The following ADAMTSL1 variants were observed in gnomAD, a reference collection of about 807,000 sequenced individuals.
The protein encoded by ADAMTSL1 is ADAMTS-like protein 1.
ADAMTSL1 carries 126 observed loss-of-function variants against 201.8 expected under a neutral mutation model. That is an observed-to-expected ratio of 0.62 (90% confidence interval 0.54 to 0.72). ADAMTSL1 has a LOEUF of 0.72. ADAMTSL1 is among the 30% of genes least tolerant of loss of function. ADAMTSL1 has a pLI of 0.00. For missense variants in ADAMTSL1, 2,679 were observed against 2,277.8 expected, an observed-to-expected ratio of 1.18 and a Z score of -3.59; for synonymous variants, 1,121 against 903.4, an observed-to-expected ratio of 1.24 and a Z score of -4.32.
intron 3 of ADAMTSL1, among the ~76,000 whole-genome samples, chr9:18,571,400 C>T (rs1439253970): frequency 6.6e-6 from 1 of 152,154 alleles, no homozygotes; most frequent in African/African-American, 2.4e-5. Flanking sequence ...CCTCAATGTT[C>T]TGCTTTATTG....
At chr9:18,415,145 A>G (rs1818618655) in intron 2 of ADAMTSL1, among the ~76,000 whole-genome samples, 1 of 152,212 alleles carries the variant, frequency 6.6e-6, no homozygotes, top group Non-Finnish European at 1.5e-5. Context: ...CCAACAAGAT[A>G]AAATTCACAA....
At chr9:18,893,008 G>A (rs1444671896) in intron 26 of ADAMTSL1, among the ~76,000 whole-genome samples, 1 of 151,260 alleles carries the variant, frequency 6.6e-6, no homozygotes, top group Non-Finnish European at 1.5e-5. Context: ...GTTCCATCTC[G>A]TAAGCCATTT....
Position 18,554,642 on chromosome 9 carries a change from T to C in ADAMTSL1, c.238-19388T>C, listed in dbSNP as rs1323781909. On this transcript the variant is annotated intron_variant, in intron 3 of 28. Coordinates refer to ENST00000380548, the MANE Select transcript of ADAMTSL1 (RefSeq NM_001040272.6). ...CAACCTGAGATAAGCAAGTTTTCCT[T>C]ATTATTTCTTTATGTGGATCTGAGT... is the stretch of plus-strand genomic sequence containing the variant. 2.0e-5 allele frequency among the ~76,000 whole-genome samples: 3 copies of C among 150,026 alleles called. No individual in the cohort carries two copies. The East Asian group carries it at 6.0e-4, about 30-fold the overall frequency.
chr9:18,846,093 AC>A (rs919130159), intron 23 of ADAMTSL1, among the ~76,000 whole-genome samples: 5 of 152,180 alleles, frequency 3.3e-5, no homozygotes, highest in African/African-American at 1.2e-4. Flanking sequence ...ATAAATACAA[AC>A]CTAGTCCTCA....
intron 2 of ADAMTSL1, among the ~76,000 whole-genome samples, chr9:18,465,406 G>C (rs1297630446): frequency 1.3e-5 from 2 of 152,230 alleles, no homozygotes; most frequent in Admixed American, 1.3e-4. Context: ...CAGAGTTTCA[G>C]GAAGCCAGGG....
chr9:18,880,609 T>G (rs533094262), intron 23 of ADAMTSL1, among the ~76,000 whole-genome samples: 2 of 152,354 alleles, frequency 1.3e-5, no homozygotes, highest in East Asian at 1.9e-4. Flanking sequence ...TAAACAGATG[T>G]GCTGTCATCC....
At chr9:18,686,032 C>G (rs1360518802) in intron 13 of ADAMTSL1, among the ~76,000 whole-genome samples, 1 of 151,964 alleles carries the variant, frequency 6.6e-6, no homozygotes, top group East Asian at 1.9e-4. Flanking sequence ...AATTCTCTCA[C>G]CTCAGCCTAC....
At chr9:18,547,708 A>G (rs1026934675) in intron 3 of ADAMTSL1, among the ~76,000 whole-genome samples, 1 of 151,680 alleles carries the variant, frequency 6.6e-6, no homozygotes, top group African/African-American at 2.4e-5. Context: ...TGTGTCTAAA[A>G]GAGGCTGTTT....
chr9:18,465,920 G>GT (rs34754797), intron 2 of ADAMTSL1, among the ~76,000 whole-genome samples: 2,543 of 147,888 alleles, frequency 0.017, 25 homozygotes, highest in Non-Finnish European at 0.026. Context: ...AGCTAATTTT[G>GT]TTTTTTTTTT....
chr9:18,074,118 A>G (rs2131742861), intron 1 of ADAMTSL1, among the ~76,000 whole-genome samples: 1 of 152,216 alleles, frequency 6.6e-6, no homozygotes, highest in African/African-American at 2.4e-5. Context: ...TGGGGACATG[A>G]GATTTAAAAT....
intron 1 of ADAMTSL1, among the ~76,000 whole-genome samples, chr9:18,055,744 T>C (rs1050859736): frequency 7.2e-5 from 11 of 152,366 alleles, no homozygotes; most frequent in South Asian, 4.1e-4. Context: ...AGGATATTTA[T>C]GATAGAGAAG....
chr9:18,079,509 C>T (rs1008547414), intron 1 of ADAMTSL1, among the ~76,000 whole-genome samples: 9 of 151,686 alleles, frequency 5.9e-5, no homozygotes, highest in Non-Finnish European at 4.4e-5. Flanking sequence ...GGTGAAACCC[C>T]GTCTCTACTA....
intron 1 of ADAMTSL1, among the ~76,000 whole-genome samples, chr9:18,013,046 C>T (rs1165853718): frequency 1.3e-5 from 2 of 151,610 alleles, no homozygotes; most frequent in Non-Finnish European, 2.9e-5. Context: ...TTCTTATCTC[C>T]ATTACCCTTA....
chr9:18,206,495 C>G (rs565112969), intron 2 of ADAMTSL1, among the ~76,000 whole-genome samples: 1 of 152,040 alleles, frequency 6.6e-6, no homozygotes, highest in Non-Finnish European at 1.5e-5. Flanking sequence ...GTTCTCATGA[C>G]CCCTACTGTG....
intron 2 of ADAMTSL1, among the ~76,000 whole-genome samples, chr9:18,295,076 C>T (rs1340467313): frequency 6.6e-6 from 1 of 152,086 alleles, no homozygotes; most frequent in African/African-American, 2.4e-5. Context: ...GTGTGTGTGG[C>T]ATGCTGCTGC....
chr9:18,790,081 TTA>T (rs781697282), intron 19 of ADAMTSL1, among the ~76,000 whole-genome samples: 17 of 152,170 alleles, frequency 1.1e-4, no homozygotes, highest in Non-Finnish European at 1.5e-5. Context: ...GTTACTTAGG[TTA>T]TGTGTACCAT....
chr9:18,311,331 C>T (rs150596549), intron 2 of ADAMTSL1, among the ~76,000 whole-genome samples: 257 of 151,320 alleles, frequency 1.7e-3, no homozygotes, highest in African/African-American at 5.9e-3. Context: ...CACAAGTATC[C>T]CAGAACTTAG....
chr9:18,598,011 G>A (rs1824376617), intron 4 of ADAMTSL1, among the ~76,000 whole-genome samples: 1 of 152,132 alleles, frequency 6.6e-6, no homozygotes, highest in Non-Finnish European at 1.5e-5. Context: ...GGAACAAAGT[G>A]TTTTTGATGT....
chr9:17,971,769 T>C (rs1345049964), intron 1 of ADAMTSL1, among the ~76,000 whole-genome samples: 1 of 151,946 alleles, frequency 6.6e-6, no homozygotes, highest in East Asian at 1.9e-4. Context: ...AAGATACATT[T>C]TTAACTTCTT....
Sources: gnomAD v4.1 joint callset for allele counts (sites outside exome capture counted in the v4.1 genomes callset) on GRCh38, gnomAD v4.1.1 for gene constraint, MANE v1.5 for transcripts, NCBI Gene and HGNC (gene_info 2026-07-23, HGNC 2026-07-21) for gene names.